The following CFAP69 variants were observed in gnomAD, a reference collection of about 807,000 sequenced individuals.
CFAP69 encodes the protein cilia and flagella associated protein 69, also known as cilia- and flagella-associated protein 69.
In CFAP69, 92 loss-of-function variants were observed where a neutral mutation model predicts 123.0. The ratio of observed to expected loss-of-function variants is 0.75; its 90% CI spans 0.63 to 0.89. The LOEUF is 0.89. Ranked by LOEUF, CFAP69 falls within the 40% of genes least tolerant of loss-of-function variation. The pLI is 0.00. For missense variants in CFAP69, 1,067 were observed against 1,096.9 expected, an observed-to-expected ratio of 0.97 and a Z score of 0.39; for synonymous variants, 380 against 364.3, an observed-to-expected ratio of 1.04 and a Z score of -0.49.
At chr7:90,246,783 T>C (rs1417802893) in intron 1 of CFAP69, among the ~76,000 whole-genome samples, 7 of 151,512 alleles carry the variant, frequency 4.6e-5, no homozygotes, top group African/African-American at 1.7e-4. Context: ...CCAAGAAAAA[T>C]TGGGCAACGT....
chr7:90,321,903 G>A, the CFAP69 span, among the ~76,000 whole-genome samples: 1 of 152,200 alleles, frequency 6.6e-6, no homozygotes, highest in African/African-American at 2.4e-5. Flanking sequence ...CTATATATGA[G>A]TTTAAGTCTA....
At chr7:90,297,469 G>T (rs1792158775) in intron 15 of CFAP69, among the ~76,000 whole-genome samples, 1 of 152,130 alleles carries the variant, frequency 6.6e-6, no homozygotes. Flanking sequence ...TGATCACTAA[G>T]AATAATTAAT....
intron 3 of CFAP69, among the ~76,000 whole-genome samples, chr7:90,258,621 T>G (rs1797937100): frequency 6.6e-6 from 1 of 152,134 alleles, no homozygotes; most frequent in Non-Finnish European, 1.5e-5. Flanking sequence ...CCTAATCATA[T>G]GTGAAAAGTC....
At chr7:90,314,904 A>T (rs1218005796), downstream of CFAP69, among the ~76,000 whole-genome samples, 1 of 152,138 alleles carries the variant, frequency 6.6e-6, no homozygotes, top group Non-Finnish European at 1.5e-5. Flanking sequence ...TGAAAAGTTT[A>T]TCAAATTTAC....
intron 13 of CFAP69, among the ~76,000 whole-genome samples, chr7:90,284,674 A>G (rs1207553299): frequency 1.3e-5 from 2 of 152,164 alleles, no homozygotes; most frequent in Non-Finnish European, 2.9e-5. Flanking sequence ...TCTGTGAGGT[A>G]AAGGTAGTTT....
chr7:90,280,031 A>T (rs1352117281), intron 12 of CFAP69, 138 bp downstream of exon 12: 5 of 588,876 alleles, frequency 8.5e-6, no homozygotes, highest in Non-Finnish European at 1.3e-5. Context: ...TTCTTAATGT[A>T]TTTATATGTT....
the CFAP69 span, chr7:90,318,405 GT>G: frequency 1.3e-5 from 2 of 152,162 alleles, no homozygotes; most frequent in Middle Eastern, 3.4e-3. Context: ...ACATAAAAAG[GT>G]TTTAGTCCTT....
downstream of CFAP69, among the ~76,000 whole-genome samples, chr7:90,314,427 A>G (rs1794589390): frequency 6.6e-6 from 1 of 152,098 alleles, no homozygotes; most frequent in African/African-American, 2.4e-5. Context: ...GTTGGAGACC[A>G]GCTTGGGCAA....
intron 1 of CFAP69, among the ~76,000 whole-genome samples, chr7:90,250,394 G>C (rs750103200): frequency 6.6e-6 from 1 of 152,136 alleles, no homozygotes; most frequent in Non-Finnish European, 1.5e-5. Context: ...GGATAATAGT[G>C]CTACCTTTAC....
At chr7:90,273,313 G>A (rs1433122126) in intron 8 of CFAP69, among the ~76,000 whole-genome samples, 1 of 152,160 alleles carries the variant, frequency 6.6e-6, no homozygotes, top group Non-Finnish European at 1.5e-5. Context: ...TGTTATCAGG[G>A]ACCATAACAT....
At chr7:90,314,505 C>T (rs907326153), downstream of CFAP69, among the ~76,000 whole-genome samples, 21 of 151,354 alleles carry the variant, frequency 1.4e-4, no homozygotes, top group Admixed American at 5.9e-4. Flanking sequence ...AGACCACAAC[C>T]GTAGTTCCAG....
chr7:90,276,701 G>T (rs1177061570), intron 9 of CFAP69, among the ~76,000 whole-genome samples: 1 of 152,162 alleles, frequency 6.6e-6, no homozygotes, highest in Non-Finnish European at 1.5e-5. Flanking sequence ...AGAATAACTG[G>T]ATTTTCCTCC....
At position 90,245,396 on chromosome 7, in the gene CFAP69, C is replaced by A; in HGVS notation, c.-29C>A. On this transcript the variant is annotated 5_prime_UTR_variant, in exon 1 of 23. Transcript: ENST00000389297. ...GGCGCACTGTAGGACAGGAAGATCC[C>A]CCCACTCTCCACCCCGCCGCCACCG... 6.6e-7 allele frequency: 1 copy of A among 1,525,608 alleles called. No individual in the cohort carries two copies. Among genetic ancestry groups the A allele is most frequent in the South Asian group, 1.2e-5 (1 of 80,782 alleles). The allele number at this position is 1,525,608 out of a possible 1,614,324, so 94.5% of individuals were successfully genotyped here.
intron 9 of CFAP69, among the ~76,000 whole-genome samples, chr7:90,275,250 C>T (rs1446782590): frequency 6.6e-6 from 1 of 152,118 alleles, no homozygotes; most frequent in African/African-American, 2.4e-5. Flanking sequence ...CTGGTATACT[C>T]CTCTGAAGAA....
At position 90,278,068 on chromosome 7, in the gene CFAP69, A is replaced by G. The variant is rs10224558; in HGVS notation, c.1155+734A>G. On this transcript the variant is annotated intron_variant, in intron 11 of 22. Transcript: ENST00000389297. ...TTTAGTTAGTTACTGCATTAAGTGA[A>G]ATTTCCATTTAATCTAAAACTCTAC... Among the ~76,000 whole-genome samples the G allele has an allele frequency of 5.9e-3, 897 of 152,256 alleles. 15 individuals are homozygous for G. Among genetic ancestry groups the G allele is most frequent in the African/African-American group, 0.02 (848 of 41,566 alleles).
intron 2 of CFAP69, among the ~76,000 whole-genome samples, chr7:90,256,679 A>C (rs145566738): frequency 1.1e-3 from 167 of 152,318 alleles, no homozygotes; most frequent in African/African-American, 3.8e-3. Context: ...AAAAGTGACT[A>C]TTGGAATAAT....
At chr7:90,304,652 TAG>T in intron 18 of CFAP69, 90 bp from the exon 19 acceptor site, 1 of 831,640 alleles carries the variant, frequency 1.2e-6, no homozygotes, top group Non-Finnish European at 1.5e-6. Context: ...GGTAGATAGA[TAG>T]ATAGATAGAT....
At chr7:90,270,174 G>T (rs3747800) in intron 6 of CFAP69, 67,489 of 151,886 alleles carry the variant, frequency 0.44, 16,099 homozygotes, top group Non-Finnish European at 0.54. Flanking sequence ...AGTTGAAAGA[G>T]ACATAGCCCT....
Position 90,306,761 on chromosome 7 carries a change from A to G in CFAP69, c.2266-140A>G, listed in dbSNP as rs1793649683. On this transcript the variant is annotated intron_variant, in intron 19 of 22. Coordinates refer to ENST00000389297, the MANE Select transcript of CFAP69 (RefSeq NM_001039706.3). ...GTAGCTGGTACCCTCAATCATTCCC[A>G]ATGCACTTATTCCCAGGAAGTAATT... 1.3e-5 allele frequency: 8 copies of G among 637,768 alleles called. No homozygotes were observed. The South Asian group carries it at 1.5e-4, about 12-fold the overall frequency. The allele number at this position is 637,768 out of a possible 1,614,324, so 39.5% of individuals were successfully genotyped here.
Sources: gnomAD v4.1 joint callset for allele counts (sites outside exome capture counted in the v4.1 genomes callset) on GRCh38, gnomAD v4.1.1 for gene constraint, MANE v1.5 for transcripts, NCBI Gene and HGNC (gene_info 2026-07-23, HGNC 2026-07-21) for gene names.